The following GCN1 variants were observed in gnomAD, a reference collection of about 807,000 sequenced individuals.
The protein encoded by GCN1 is stalled ribosome sensor GCN1.
Under a neutral mutation model 288.4 loss-of-function variants are expected in GCN1, and 90 were observed. The observed-to-expected ratio is 0.31, with a 90% confidence interval of 0.26 to 0.37. The LOEUF (loss-of-function observed/expected upper bound fraction) is 0.37, where lower values mean the gene tolerates loss of function less well. Among genes scored for constraint, GCN1 ranks in the 10% least tolerant of loss-of-function variants. The pLI is 1.00. For synonymous variants in GCN1, 1,386 were observed against 1,420.2 expected (o/e 0.98, Z 0.54); for missense variants, 2,586 against 3,419.9 (o/e 0.76, Z 6.08).
chr12:120,153,983 C>A lies in GCN1; in HGVS notation c.3702-74G>T. 1 of 1,324,150 alleles carries A rather than the reference C, an allele frequency of 7.6e-7. No individual in the cohort carries two copies. Among genetic ancestry groups the A allele is most frequent in the Non-Finnish European group, 1.1e-6 (1 of 947,508 alleles). The allele number at this position is 1,324,150 out of a possible 1,614,324, so 82.0% of individuals were successfully genotyped here. ...TCTGCCAGTGGAACCTCTGCTGGTGCACGGCAAGGAGAGGGAGCTTGCCTG... is the reference window on the plus strand; with the variant it reads ...TCTGCCAGTGGAACCTCTGCTGGTGAACGGCAAGGAGAGGGAGCTTGCCTG... On this transcript the variant is annotated intron_variant, in intron 31 of 57. Coordinates refer to ENST00000300648, the MANE Select transcript of GCN1 (RefSeq NM_006836.2). This position sits in a 1 kb window ranked among gnomAD's most constrained non-coding sequence, Gnocchi z 4.4.
chr12:120,128,380 T>C (rs931493047), intron 57 of GCN1, among the ~76,000 whole-genome samples: 4 of 151,660 alleles, frequency 2.6e-5, no homozygotes, highest in East Asian at 1.9e-4. Flanking sequence ...TTGTCGCCCA[T>C]GCTGGAGTGC....
intron 46 of GCN1, 33 bp from the exon 47 acceptor site, chr12:120,138,448 T>A (rs1427561561): frequency 7.5e-7 from 1 of 1,325,158 alleles, no homozygotes; most frequent in Non-Finnish European, 1.1e-6. Flanking sequence ...CCCTGAGGAA[T>A]CTGCATCTCT....
At chr12:120,165,051 A>T (rs145950238) in intron 16 of GCN1, among the ~76,000 whole-genome samples, 14,938 of 141,660 alleles carry the variant, frequency 0.11, 1,048 homozygotes, top group African/African-American at 0.19. Context: ...ATATATATAT[A>T]TTTTTTTTTT....
intron 5 of GCN1, among the ~76,000 whole-genome samples, chr12:120,179,397 AT>A (rs1224651602): frequency 0.011 from 1,401 of 127,148 alleles, 6 homozygotes; most frequent in African/African-American, 0.026. Context: ...TGCCCAGCTA[AT>A]TTTTTTTTTT....
intron 31 of GCN1, 143 bp downstream of exon 31, chr12:120,154,827 G>T: frequency 7.8e-7 from 1 of 1,289,004 alleles, no homozygotes; most frequent in Non-Finnish European, 1.1e-6. Context: ...CCCTTCCAGG[G>T]GCTGATGGAA....
intron 14 of GCN1, among the ~76,000 whole-genome samples, chr12:120,172,807 C>T (rs1003900100): frequency 1.3e-5 from 2 of 152,070 alleles, no homozygotes; most frequent in Non-Finnish European, 2.9e-5. Flanking sequence ...CCCAGCCTCT[C>T]CTAGATGCTT....
At chr12:120,162,215 G>T in intron 20 of GCN1, 157 bp from the exon 21 acceptor site, 1 of 629,550 alleles carries the variant, frequency 1.6e-6, no homozygotes, top group South Asian at 1.9e-5. Context: ...TGGAGTCTGC[G>T]TCTGCTTTCC....
intron 14 of GCN1, 25 bp from the exon 15 acceptor site, chr12:120,170,346 A>G (rs1281763887): frequency 6.2e-7 from 1 of 1,611,452 alleles, no homozygotes; most frequent in Admixed American, 1.7e-5. Context: ...CAAGCACCTT[A>G]AAGGACATCC....
At position 120,144,907 on chromosome 12, in the gene GCN1, C is replaced by T. The variant is rs1443687235; in HGVS notation, c.5155+16G>A. ...GAGCATTCCCAGGCTGGCCACTGGACCTGCTCTGGCCTTACCCTGTGCAGC... is the reference window on the plus strand; with the variant it reads ...GAGCATTCCCAGGCTGGCCACTGGATCTGCTCTGGCCTTACCCTGTGCAGC... On this transcript the variant is annotated intron_variant, in intron 40 of 57. Coordinates refer to ENST00000300648, the MANE Select transcript of GCN1 (RefSeq NM_006836.2). The surrounding 1 kb of genome is among the most constrained non-coding windows in gnomAD (Gnocchi z 4.7). 3 of 1,614,042 alleles carry T rather than the reference C, an allele frequency of 1.9e-6. No homozygotes were observed. The highest frequency in any genetic ancestry group is 1.6e-4 in the Middle Eastern group (1 of 6,084).
At chr12:120,174,833 G>GCTCTA (rs1878427383) in intron 12 of GCN1, among the ~76,000 whole-genome samples, 2 of 143,298 alleles carry the variant, frequency 1.4e-5, no homozygotes, top group Non-Finnish European at 3.0e-5. Context: ...CCAGATCACA[G>GCTCTA]CTCTACTCCT....
chr12:120,137,135 GA>G lies in GCN1; in HGVS notation c.6777+70del. On this transcript the variant is annotated intron_variant, in intron 50 of 57. Coordinates refer to ENST00000300648, the MANE Select transcript of GCN1 (RefSeq NM_006836.2). The surrounding 1 kb of genome is among the most constrained non-coding windows in gnomAD (Gnocchi z 5.2). ...CCAGCAGCCCCTACCGCAGACCTGGGACAGGGGTAAGGGCCAGAAGGGCACA... is the reference window on the plus strand; with the variant it reads ...CCAGCAGCCCCTACCGCAGACCTGGGCAGGGGTAAGGGCCAGAAGGGCACA... 6.3e-6 allele frequency: 7 copies of G among 1,118,350 alleles called. No individual in the cohort carries two copies. The highest frequency in any genetic ancestry group is 2.7e-4 in the Middle Eastern group (1 of 3,686). The allele number at this position is 1,118,350 out of a possible 1,614,324, so 69.3% of individuals were successfully genotyped here.
chr12:120,157,486 A>G (rs1291700122), intron 26 of GCN1, among the ~76,000 whole-genome samples: 2 of 152,240 alleles, frequency 1.3e-5, no homozygotes, highest in African/African-American at 4.8e-5. Context: ...ACAAGAGGGC[A>G]CATCACAGTG....
chr12:120,189,359 C>A (rs1407199550), intron 2 of GCN1, among the ~76,000 whole-genome samples: 6 of 151,376 alleles, frequency 4.0e-5, no homozygotes, highest in Admixed American at 6.6e-5. Flanking sequence ...GCGTGAGCCA[C>A]CACACCCAGG....
At chr12:120,193,905 G>A (rs1372179554) in intron 1 of GCN1, among the ~76,000 whole-genome samples, 1 of 152,174 alleles carries the variant, frequency 6.6e-6, no homozygotes, top group Non-Finnish European at 1.5e-5. Context: ...AATCAGCCCA[G>A]CTGTCCTTAG....
At position 120,156,497 on chromosome 12, in the gene GCN1, C is replaced by A; in HGVS notation, c.3276G>T (p.Gln1092His). 3.7e-6 allele frequency: 6 copies of A among 1,614,062 alleles called. No individual in the cohort carries two copies. The highest frequency in any genetic ancestry group is 5.1e-6 in the Non-Finnish European group (6 of 1,180,004). Residue 1092 changes from glutamine to histidine, a missense_variant, in exon 28 of 58, where the codon CAG becomes CAT. Around this residue, in one of 8 missense-constraint regions of GCN1, gnomAD observed 332 missense variants for 403.0 expected, o/e 0.82. Transcript: ENST00000300648. The surrounding 1 kb of genome is among the most constrained non-coding windows in gnomAD (Gnocchi z 5.8). The part of the protein sequence containing the change: ...EEVDVLLCAL[Q>H]SPCASVRETV... ...TTTCCCGCACGCTGGCACACGGGGACTGCAAGGCACAGAGCAGCACGTCCA... is the reference window on the plus strand; with the variant it reads ...TTTCCCGCACGCTGGCACACGGGGAATGCAAGGCACAGAGCAGCACGTCCA...
At chr12:120,186,338 G>A (rs987115008) in intron 2 of GCN1, among the ~76,000 whole-genome samples, 3 of 151,338 alleles carry the variant, frequency 2.0e-5, no homozygotes, top group Non-Finnish European at 4.4e-5. Flanking sequence ...TGGCGCCACT[G>A]CACTCCAGCC....
intron 26 of GCN1, 110 bp downstream of exon 26, chr12:120,157,739 T>C (rs756875149): frequency 1.3e-4 from 116 of 897,370 alleles, no homozygotes; most frequent in Non-Finnish European, 1.8e-4. Flanking sequence ...GGTATAAACA[T>C]ACACTCTCTA....
Position 120,153,677 on chromosome 12 carries a change from G to A in GCN1, c.3867+67C>T, listed in dbSNP as rs746494732. On this transcript the variant is annotated intron_variant, in intron 32 of 57. Coordinates refer to ENST00000300648, the MANE Select transcript of GCN1 (RefSeq NM_006836.2). The surrounding 1 kb of genome is among the most constrained non-coding windows in gnomAD (Gnocchi z 4.4). The stretch of plus-strand genomic sequence containing the variant: ...TGCTCAGCCCTAGCGCCTGCCTCCC[G>A]TGTCTCCTTAGCGGGCTGGGACCCC... 2.7e-5 allele frequency: 40 copies of A among 1,478,752 alleles called. No homozygotes were observed. The highest frequency in any genetic ancestry group is 6.8e-5 in the East Asian group (3 of 44,228). 91.6% of individuals were successfully genotyped at this position (1,478,752 alleles called of 1,614,324 possible). A position where few individuals can be genotyped will look rare whatever the true frequency, so the allele number is the denominator to read the frequency against.
chr12:120,150,001 T>C lies in GCN1; in HGVS notation c.4352A>G (p.Lys1451Arg). Reference sequence around the variant, plus strand: ...GTGAACCACATACGGCTCAAAAAGTTTCCCCAGCATGGTGCAGAGCATCTC... The same window carrying C: ...GTGAACCACATACGGCTCAAAAAGTCTCCCCAGCATGGTGCAGAGCATCTC... ...AFEMLCTMLG[K>R]LFEPYVVHVL... Residue 1451 changes from lysine to arginine, a missense_variant, in exon 35 of 58, where the codon AAA becomes AGA. Lys to Arg is a conservative substitution (Grantham distance 26, BLOSUM62 2). This residue lies in a region of GCN1 where 371 missense variants were observed against 572.6 expected (regional missense o/e 0.65). Coordinates refer to ENST00000300648, the MANE Select transcript of GCN1 (RefSeq NM_006836.2). 6.2e-7 allele frequency: 1 copy of C among 1,613,932 alleles called. No homozygotes were observed. Among genetic ancestry groups the C allele is most frequent in the Non-Finnish European group, 8.5e-7 (1 of 1,179,982 alleles).
Sources: allele counts gnomAD v4.1 joint callset (sites outside exome capture counted in the v4.1 genomes callset), GRCh38; gene constraint gnomAD v4.1.1; regional missense constraint gnomAD v4.1.1; non-coding constraint Gnocchi (gnomAD v3.1); transcripts MANE v1.5; gene names NCBI Gene and HGNC (gene_info 2026-07-23, HGNC 2026-07-21).